USP9Y: variants seen among roughly 807,000 people sequenced by gnomAD.
USP9Y encodes the protein ubiquitin specific peptidase 9 Y-linked.
A neutral mutation model predicts 53.1 loss-of-function variants in USP9Y; 41 were observed. The observed-to-expected ratio is 0.77, with a 90% CI of 0.60 to 1.00. The LOEUF is 1.00. Ranked by LOEUF, USP9Y falls within the 50% of genes least tolerant of loss-of-function variation. The pLI is 0.00. For synonymous variants in USP9Y, 220 were observed against 173.7 expected, an observed-to-expected ratio of 1.27 and a Z score of -2.09; for missense variants, 567 against 535.8, an observed-to-expected ratio of 1.06 and a Z score of -0.58.
chrY:12,806,882 T>C (rs746936310), intron 27 of USP9Y, among the ~76,000 whole-genome samples: 1 of 33,381 alleles, frequency 3.0e-5, no homozygotes, highest in Admixed American at 2.7e-4. Context: ...GGTTCTTGAC[T>C]GACTATAATT....
chrY:12,807,028 TCTC>T (rs2053525187), intron 27 of USP9Y, among the ~76,000 whole-genome samples: 29 of 32,799 alleles, frequency 8.8e-4, no homozygotes, highest in Admixed American at 2.8e-3. Flanking sequence ...TTCTGCCTCT[TCTC>T]CTTCTGCACT....
chrY:12,735,656 G>C lies in USP9Y; in HGVS notation c.702G>C (p.Gly234=). The change falls in exon 8 of 46, where the codon GGG becomes GGC. Residue 234 remains glycine, a synonymous_variant. Transcript: ENST00000338981. Reference sequence around the variant, plus strand: ...TCAATAAATTTGGCACATTAAATGGGTTCCAGATTTTGCATGATCGTTTTT... The same window carrying C: ...TCAATAAATTTGGCACATTAAATGGCTTCCAGATTTTGCATGATCGTTTTT... ...DLINKFGTLN[G]FQILHDRFFN... 2.5e-6 allele frequency: 1 copy of C among 395,932 alleles called. No individual in the cohort carries two copies. Among genetic ancestry groups the C allele is most frequent in the Non-Finnish European group, 3.5e-6 (1 of 282,003 alleles).
chrY:12,720,439 A>G, intron 3 of USP9Y, 150 bp from the exon 4 acceptor site: 1 of 161,333 alleles, frequency 6.2e-6, no homozygotes, highest in Non-Finnish European at 1.1e-5. Context: ...ATGAGGGAAA[A>G]TACTTCTGTA....
intron 11 of USP9Y, 124 bp from the exon 12 acceptor site, chrY:12,739,401 G>A: frequency 7.6e-6 from 1 of 132,072 alleles, no homozygotes; most frequent in South Asian, 6.9e-5. Context: ...TTACTCAAAT[G>A]AAGTAGGAAT....
At position 12,775,471 on chromosome Y, in the gene USP9Y, G is replaced by A. The variant is rs2053491547; in HGVS notation, c.2332G>A (p.Val778Ile). The change falls in exon 18 of 46, where the codon GTT (valine) becomes ATT (isoleucine). Residue 778 changes from valine to isoleucine, a missense_variant and splice_region_variant. Transcript: ENST00000338981. ...ELIGLDYLWRVVIQSSDEIAN... is the reference protein window; with the variant it reads ...ELIGLDYLWRIVIQSSDEIAN... ...AATACTGTAATATTTTTGGAACCAG[G>A]TTGTGATTCAGAGTAGTGACGAGAT... 1 of 389,076 alleles carries A rather than the reference G, an allele frequency of 2.6e-6. No homozygotes were observed. The highest frequency in any genetic ancestry group is 6.5e-5 in the African/African-American group (1 of 15,361).
Position 12,810,252 on chromosome Y carries a change from C to T in USP9Y, c.4057C>T (p.Leu1353Phe). ...TRCCMGHRPL[L>F]FFITLLFTIL... ...ATGTTGCATGGGACACAGGCCTCTG[C>T]TTTTCTTCATTACTTTACTCTTTAC... is the stretch of plus-strand genomic sequence containing the variant. The change falls in exon 28 of 46, where the codon CTT becomes TTT. Residue 1353 changes from leucine to phenylalanine, a missense_variant. Physicochemically the swap from Leu to Phe is conservative, Grantham distance 22. Coordinates refer to ENST00000338981, the MANE Select transcript of USP9Y (RefSeq NM_004654.4). 2.5e-6 allele frequency: 1 copy of T among 398,432 alleles called. No homozygotes were observed. The highest frequency in any genetic ancestry group is 3.5e-6 in the Non-Finnish European group (1 of 283,124).
chrY:12,716,146 G>T, intron 3 of USP9Y, among the ~76,000 whole-genome samples: 1 of 34,011 alleles, frequency 2.9e-5, no homozygotes, highest in Non-Finnish European at 7.3e-5. Flanking sequence ...ACACAAACCT[G>T]GATGGTATAA....
chrY:12,792,278 C>CTCAA (rs2053509185), intron 26 of USP9Y, among the ~76,000 whole-genome samples: 1 of 34,068 alleles, frequency 2.9e-5, no homozygotes, highest in Non-Finnish European at 7.3e-5. Context: ...AAGACTCTGT[C>CTCAA]TCAATCAATC....
intron 12 of USP9Y, among the ~76,000 whole-genome samples, chrY:12,742,783 CT>C (rs2053457752): frequency 3.0e-5 from 1 of 33,397 alleles, no homozygotes; most frequent in Admixed American, 2.7e-4. Context: ...CCCTGTTACT[CT>C]TAGTGTTAAC....
intron 15 of USP9Y, among the ~76,000 whole-genome samples, chrY:12,765,410 A>G: frequency 3.0e-5 from 1 of 32,942 alleles, no homozygotes; most frequent in Non-Finnish European, 7.5e-5. Flanking sequence ...GTCATGTTTC[A>G]AAAAATGTTT....
At chrY:12,715,078 T>C in intron 3 of USP9Y, among the ~76,000 whole-genome samples, 1 of 31,703 alleles carries the variant, frequency 3.2e-5, no homozygotes, top group Admixed American at 2.9e-4. Context: ...CCATGTAGAA[T>C]GCTGTAGCAG....
intron 3 of USP9Y, among the ~76,000 whole-genome samples, chrY:12,718,735 C>A: frequency 3.0e-5 from 1 of 33,393 alleles, no homozygotes; most frequent in East Asian, 7.7e-4. Context: ...ATCAGTCCTC[C>A]CATCTTCACC....
At chrY:12,760,232 T>C (rs2148284076) in intron 14 of USP9Y, among the ~76,000 whole-genome samples, 4 of 34,180 alleles carry the variant, frequency 1.2e-4, no homozygotes, top group Admixed American at 2.7e-4. Flanking sequence ...ATGCAACACA[T>C]GTGCTTTGAT....
intron 34 of USP9Y, among the ~76,000 whole-genome samples, chrY:12,835,692 G>A: frequency 3.0e-5 from 1 of 33,230 alleles, no homozygotes; most frequent in Non-Finnish European, 7.4e-5. Flanking sequence ...GCAGGCTTCT[G>A]TAATCCCAGC....
At chrY:12,727,218 A>G (rs2053443555) in intron 7 of USP9Y, among the ~76,000 whole-genome samples, 2 of 33,944 alleles carry the variant, frequency 5.9e-5, no homozygotes, top group East Asian at 1.5e-3. Flanking sequence ...AACCTCAGTG[A>G]GATTTAAAAA....
chrY:12,786,734 T>C lies in USP9Y; in HGVS notation c.3495T>C (p.Tyr1165=). ...IAKLLLTAIG[Y]GHVRAVAEAC... Reference sequence around the variant, plus strand: ...AACTGTTGTTAACTGCGATTGGCTATGGCCATGTTCGAGCTGTAGCAGAAG... The same window carrying C: ...AACTGTTGTTAACTGCGATTGGCTACGGCCATGTTCGAGCTGTAGCAGAAG... Residue 1165 remains tyrosine (Y), a synonymous_variant, in exon 24 of 46, where the codon TAT becomes TAC. Coordinates refer to ENST00000338981, the MANE Select transcript of USP9Y (RefSeq NM_004654.4). The C allele has an allele frequency of 2.5e-6, 1 of 399,004 alleles. No homozygotes were observed. Among genetic ancestry groups the C allele is most frequent in the South Asian group, 3.0e-5 (1 of 33,802 alleles).
chrY:12,824,383 C>T, intron 33 of USP9Y, among the ~76,000 whole-genome samples: 1 of 32,703 alleles, frequency 3.1e-5, no homozygotes, highest in East Asian at 7.9e-4. Context: ...AATAGTATCC[C>T]AATTGTGATA....
At chrY:12,727,644 A>C in intron 7 of USP9Y, among the ~76,000 whole-genome samples, 1 of 33,087 alleles carries the variant, frequency 3.0e-5, no homozygotes, top group African/African-American at 1.2e-4. Context: ...AAAAAACTTA[A>C]CCAGCAACAG....
At position 12,860,271 on chromosome Y, in the gene USP9Y, G is replaced by A. The variant is rs759369994; in HGVS notation, c.*855G>A. On this transcript the variant is annotated 3_prime_UTR_variant, in exon 46 of 46. Coordinates refer to ENST00000338981, the MANE Select transcript of USP9Y (RefSeq NM_004654.4). ...AAGAATATCAAAGTATCGATAATACGAATTTTAAAATATTAAAACCAATAC... is the reference window on the plus strand; with the variant it reads ...AAGAATATCAAAGTATCGATAATACAAATTTTAAAATATTAAAACCAATAC... 4 of 33,235 alleles carry A rather than the reference G, an allele frequency of 1.2e-4. No individual in the cohort carries two copies. Among genetic ancestry groups the A allele is most frequent in the East Asian group, 1.5e-3 (2 of 1,310 alleles). 8.3% of individuals were successfully genotyped at this position (33,235 alleles called of 400,897 possible). A position where few individuals can be genotyped will look rare whatever the true frequency, so the allele number is the denominator to read the frequency against.
Sources: gnomAD v4.1 joint callset for allele counts (sites outside exome capture counted in the v4.1 genomes callset) on GRCh38, gnomAD v4.1.1 for gene constraint, MANE v1.5 for transcripts, NCBI Gene and HGNC (gene_info 2026-07-23, HGNC 2026-07-21) for gene names.